PARVB: variants seen among roughly 807,000 people sequenced by gnomAD.
PARVB encodes the protein beta-parvin.
PARVB carries 46 observed loss-of-function variants against 47.0 expected under a neutral mutation model. That is an observed-to-expected ratio of 0.98 (90% CI 0.77 to 1.25). PARVB has a LOEUF of 1.25. PARVB is among the 50% of genes most tolerant of loss of function. The pLI, the probability that PARVB is intolerant of heterozygous loss-of-function variation, is 0.00. For missense variants in PARVB, 473 were observed against 471.6 expected (o/e 1.00, Z -0.03); for synonymous variants, 196 against 196.3 (o/e 1.00, Z 0.01).
Position 44,140,367 on chromosome 22 carries a change from G to C in PARVB, c.712+224G>C, listed in dbSNP as rs773217788. ...GTGGCTGGGTTGTGCTAGGAGGAGT[G>C]GGGTGGAAGGCTGGGTGACCAGCTA... On this transcript the variant is annotated intron_variant, in intron 8 of 12. Transcript: ENST00000338758. The C allele has an allele frequency of 3.4e-3, 2,401 of 709,278 alleles. 13 individuals carry two copies. Among genetic ancestry groups the C allele is most frequent in the Non-Finnish European group, 5.4e-3 (2,057 of 383,220 alleles). 43.9% of individuals were successfully genotyped at this position (709,278 alleles called of 1,614,324 possible). A position where few individuals can be genotyped will look rare whatever the true frequency, so the allele number is the denominator to read the frequency against.
At chr22:44,129,934 C>T (rs750378801) in intron 4 of PARVB, among the ~76,000 whole-genome samples, 2 of 152,174 alleles carry the variant, frequency 1.3e-5, no homozygotes, top group African/African-American at 2.4e-5. Context: ...AACGCATGAT[C>T]GAAGGGGTAT....
intron 7 of PARVB, among the ~76,000 whole-genome samples, chr22:44,138,508 C>T (rs1200462816): frequency 2.0e-5 from 3 of 152,198 alleles, no homozygotes; most frequent in Non-Finnish European, 4.4e-5. Context: ...TCATCCCATC[C>T]TTGTCTCCTG....
intron 2 of PARVB, among the ~76,000 whole-genome samples, chr22:44,006,191 T>TGCCTCA (rs2050462690): frequency 6.6e-6 from 1 of 152,246 alleles, no homozygotes; most frequent in South Asian, 2.1e-4. Flanking sequence ...GTGATGCTCC[T>TGCCTCA]GCCTCAGCCT....
intron 1 of PARVB, among the ~76,000 whole-genome samples, chr22:44,066,891 T>C (rs1378284455): frequency 2.6e-5 from 4 of 151,266 alleles, no homozygotes; most frequent in Non-Finnish European, 5.9e-5. Context: ...TTTCTTCTTC[T>C]TAGGCAGGGT....
chr22:44,016,911 T>C (rs1385632284), intron 2 of PARVB, among the ~76,000 whole-genome samples: 2 of 152,210 alleles, frequency 1.3e-5, no homozygotes. Flanking sequence ...GTTTCACTCT[T>C]GTTGCCCAGG....
chr22:44,122,378 C>T (rs892351768), intron 4 of PARVB, among the ~76,000 whole-genome samples: 1 of 151,948 alleles, frequency 6.6e-6, no homozygotes, highest in East Asian at 1.9e-4. Flanking sequence ...CCCAGCTGCT[C>T]AGGAGGCTGA....
At chr22:44,075,860 C>G (rs2051760227) in intron 1 of PARVB, among the ~76,000 whole-genome samples, 1 of 152,248 alleles carries the variant, frequency 6.6e-6, no homozygotes, top group Non-Finnish European at 1.5e-5. Flanking sequence ...ATCCGCTGCT[C>G]TTGCTGCAGA....
chr22:44,131,406 TGCTG>T, intron 4 of PARVB, 77 bp from the exon 5 acceptor site: 1 of 1,504,144 alleles, frequency 6.6e-7, no homozygotes, highest in Non-Finnish European at 9.1e-7. Flanking sequence ...CCTCTCAAAC[TGCTG>T]GGATTACAGG....
chr22:44,069,016 T>C, intron 1 of PARVB: 1 of 1,057,768 alleles, frequency 9.5e-7, no homozygotes, highest in Non-Finnish European at 1.4e-6. Flanking sequence ...CCTCAAAGGC[T>C]CCCCAAAGAG....
intron 8 of PARVB, chr22:44,143,552 G>A (rs908246787): frequency 1.3e-5 from 2 of 152,274 alleles, no homozygotes; most frequent in African/African-American, 4.8e-5. Flanking sequence ...TTTGCCAGGA[G>A]TGGTCTTCTG....
chr22:44,098,583 C>T (rs868149015), intron 2 of PARVB, among the ~76,000 whole-genome samples: 4 of 152,214 alleles, frequency 2.6e-5, no homozygotes, highest in Middle Eastern at 3.4e-3. Context: ...TGGAGGACGC[C>T]GGCCTTGATC....
intron 1 of PARVB, among the ~76,000 whole-genome samples, chr22:44,064,216 G>C (rs991126652): frequency 2.0e-5 from 3 of 152,184 alleles, no homozygotes; most frequent in African/African-American, 7.2e-5. Context: ...GCAGCCAGCC[G>C]TATCACCTGG....
chr22:44,044,768 G>A (rs2051085628), intron 1 of PARVB, among the ~76,000 whole-genome samples: 1 of 152,218 alleles, frequency 6.6e-6, no homozygotes, highest in Non-Finnish European at 1.5e-5. Flanking sequence ...TTACAGGCAT[G>A]AGCCACTGTG....
At chr22:44,050,647 C>G (rs919884360) in intron 1 of PARVB, among the ~76,000 whole-genome samples, 4 of 152,116 alleles carry the variant, frequency 2.6e-5, no homozygotes, top group African/African-American at 7.2e-5. Context: ...CAGTCCTGCA[C>G]TCTTCAAGTT....
At chr22:44,099,518 TC>T (rs11353013) in intron 2 of PARVB, among the ~76,000 whole-genome samples, 30,012 of 151,172 alleles carry the variant, frequency 0.2, 3,635 homozygotes, top group East Asian at 0.37. Context: ...TTACACATCA[TC>T]CCCCCCCACC....
intron 4 of PARVB, among the ~76,000 whole-genome samples, chr22:44,124,098 C>T (rs924764975): frequency 4.6e-5 from 7 of 152,168 alleles, no homozygotes; most frequent in African/African-American, 1.7e-4. Context: ...TGAAAGAATT[C>T]CTGCAGTTTC....
intron 2 of PARVB, among the ~76,000 whole-genome samples, chr22:44,004,801 C>T (rs1180114046): frequency 1.3e-5 from 2 of 152,176 alleles, no homozygotes; most frequent in Non-Finnish European, 2.9e-5. Flanking sequence ...CTTTGATTGT[C>T]CTGCAACACA....
intron 1 of PARVB, among the ~76,000 whole-genome samples, chr22:44,063,480 G>A (rs1440286492): frequency 6.6e-6 from 1 of 152,084 alleles, no homozygotes; most frequent in Non-Finnish European, 1.5e-5. Flanking sequence ...ACCTGTCTTG[G>A]CCTCCCAAAG....
chr22:44,122,691 T>A (rs76398975), intron 4 of PARVB, among the ~76,000 whole-genome samples: 3,451 of 152,292 alleles, frequency 0.023, 46 homozygotes, highest in Admixed American at 0.048. Context: ...CTTATGTTTC[T>A]TTACAAAAAT....
Sources: allele counts gnomAD v4.1 joint callset (sites outside exome capture counted in the v4.1 genomes callset), GRCh38; gene constraint gnomAD v4.1.1; transcripts MANE v1.5; gene names NCBI Gene and HGNC (gene_info 2026-07-23, HGNC 2026-07-21).